Variants in CNPY3 observed in about 807,000 individuals in gnomAD.
The protein encoded by CNPY3 is canopy FGF signaling regulator 3, also known as protein canopy homolog 3.
In CNPY3, 20 loss-of-function variants were observed where a neutral mutation model predicts 32.0. That is an observed-to-expected ratio of 0.63 (90% CI 0.44 to 0.91). CNPY3 has a LOEUF of 0.91. CNPY3 is among the 40% of genes least tolerant of loss of function. The probability of loss-of-function intolerance (pLI) is 0.00; values close to 1 mark genes in which losing one functional copy is unlikely to be tolerated. For missense variants in CNPY3, 299 were observed against 340.8 expected, an observed-to-expected ratio of 0.88 and a Z score of 0.97; for synonymous variants, 138 against 142.9, an observed-to-expected ratio of 0.97 and a Z score of 0.24.
chr6:42,930,871 C>G (rs146734164), intron 1 of CNPY3, among the ~76,000 whole-genome samples: 129 of 152,176 alleles, frequency 8.5e-4, no homozygotes, highest in South Asian at 1.5e-3. Flanking sequence ...TGTGCCTTCC[C>G]CCGTACATTC....
intron 3 of CNPY3, 83 bp from the exon 4 acceptor site, chr6:42,937,634 C>G: frequency 6.8e-7 from 1 of 1,469,686 alleles, no homozygotes; most frequent in East Asian, 2.3e-5. Context: ...GGTCTTATAG[C>G]TGGGTTCTTA....
chr6:42,938,346 C>T, intron 5 of CNPY3, 139 bp downstream of exon 5: 1 of 822,730 alleles, frequency 1.2e-6, no homozygotes, highest in Non-Finnish European at 2.1e-6. Flanking sequence ...ATTGGCAAGA[C>T]ATGGTGAAGT....
intron 1 of CNPY3, among the ~76,000 whole-genome samples, chr6:42,934,201 C>T (rs939794383): frequency 1.3e-5 from 2 of 151,612 alleles, no homozygotes; most frequent in African/African-American, 4.8e-5. Context: ...GCAGGATTTA[C>T]AGTAAGTACA....
intron 5 of CNPY3, 69 bp from the exon 6 acceptor site, chr6:42,938,499 C>A: frequency 7.0e-7 from 1 of 1,419,344 alleles, no homozygotes; most frequent in Non-Finnish European, 9.6e-7. Flanking sequence ...GCTCCCTGCT[C>A]AGTGCTCCTT....
rs4714635 is a variant in CNPY3, at chr6:42,934,884, G to A, written c.275+286G>A. ...CAGAGCAATGCAAGTTTTTTTTTGCGACGGAGTTTCACTCTTGTTGCCCAG... is the reference window on the plus strand; with the variant it reads ...CAGAGCAATGCAAGTTTTTTTTTGCAACGGAGTTTCACTCTTGTTGCCCAG... On this transcript the variant is annotated intron_variant, in intron 2 of 5. Transcript: ENST00000372836. Among the ~76,000 whole-genome samples, 7 of 151,680 alleles carry A rather than the reference G, an allele frequency of 4.6e-5. No homozygotes were observed. In the East Asian group the frequency reaches 9.7e-4, roughly 21 times the overall value.
At chr6:42,938,456 A>T (rs555867253) in intron 5 of CNPY3, 112 bp from the exon 6 acceptor site, 2 of 1,060,950 alleles carry the variant, frequency 1.9e-6, no homozygotes, top group Admixed American at 2.4e-5. Context: ...AGGGAGGCTG[A>T]TGTCAAGCAC....
intron 1 of CNPY3, among the ~76,000 whole-genome samples, chr6:42,930,751 G>T (rs1295526176): frequency 6.6e-6 from 1 of 152,196 alleles, no homozygotes; most frequent in Non-Finnish European, 1.5e-5. Context: ...ACACTGGAAA[G>T]TGGGTTTGGG....
intron 3 of CNPY3, among the ~76,000 whole-genome samples, chr6:42,936,385 C>G (rs1336955878): frequency 6.6e-6 from 1 of 152,102 alleles, no homozygotes; most frequent in Non-Finnish European, 1.5e-5. Flanking sequence ...AATTATTTTT[C>G]ATAGCAGGAA....
At chr6:42,932,686 C>G (rs567135500) in intron 1 of CNPY3, among the ~76,000 whole-genome samples, 2 of 152,214 alleles carry the variant, frequency 1.3e-5, no homozygotes, top group South Asian at 4.1e-4. Context: ...GGAGGGAGCC[C>G]AGATGGTCCT....
chr6:42,939,045 C>A lies in CNPY3; in HGVS notation c.*254C>A. ...GGCAGGCCTTGTGGTTTCAGGACTG[C>A]AAGGACTCCAGTGTGAACTCAGGAG... is the stretch of plus-strand genomic sequence containing the variant. On this transcript the variant is annotated 3_prime_UTR_variant, in exon 6 of 6. Coordinates refer to ENST00000372836, the MANE Select transcript of CNPY3 (RefSeq NM_006586.5). 1 of 1,282,050 alleles carries A rather than the reference C, an allele frequency of 7.8e-7. No homozygotes were observed. The highest frequency in any genetic ancestry group is 9.9e-7 in the Non-Finnish European group (1 of 1,012,940). The allele number at this position is 1,282,050 out of a possible 1,614,324, so 79.4% of individuals were successfully genotyped here.
At position 42,929,619 on chromosome 6, in the gene CNPY3, TTGCTGCTGCTGCTGCTGC is replaced by T. The variant is rs570105218; in HGVS notation, c.59_76del (p.Leu20_Leu25del). ...GTCCCGCTGTCTTCTGCTTCTTCCC[TTGCTGCTGCTGCTGCTGC>T]TGCTGCTGCCGGCCCCGGAGCTGGG... On this transcript the variant is annotated inframe_deletion, in exon 1 of 6. Transcript: ENST00000372836. 1 of 1,560,556 alleles carries T rather than the reference TTGCTGCTGCTGCTGCTGC, an allele frequency of 6.4e-7. No homozygotes were observed. Among genetic ancestry groups the T allele is most frequent in the African/African-American group, 1.4e-5 (1 of 73,842 alleles).
chr6:42,938,706 G>T lies in CNPY3; in HGVS notation c.752G>T (p.Gly251Val). The change falls in exon 6 of 6, where the codon GGC (glycine) becomes GTC (valine). Residue 251 changes from glycine (G) to valine (V), a missense_variant. Transcript: ENST00000372836. ...SSSKQRKELGGLEGDPSPEED... is the reference protein window; with the variant it reads ...SSSKQRKELGVLEGDPSPEED... Reference sequence around the variant, plus strand: ...AGCAAACAAAGGAAGGAGCTGGGTGGCCTTGAGGGAGACCCCAGCCCCGAG... The same window carrying T: ...AGCAAACAAAGGAAGGAGCTGGGTGTCCTTGAGGGAGACCCCAGCCCCGAG... 2 of 1,613,850 alleles carry T rather than the reference G, an allele frequency of 1.2e-6. No homozygotes were observed. Among genetic ancestry groups the T allele is most frequent in the Non-Finnish European group, 1.7e-6 (2 of 1,179,900 alleles).
Position 42,934,479 on chromosome 6 carries a change from T to TA in CNPY3, c.159dup (p.Tyr54IlefsTer11). On this transcript the variant is annotated frameshift_variant, in exon 2 of 6. Coordinates refer to ENST00000372836, the MANE Select transcript of CNPY3 (RefSeq NM_006586.5). LOFTEE classifies it high-confidence loss of function. ...TGTGCTACCTCCCTCCCCCAGTGTG[T>TA]AAATATGTTGCTGTGGAGCTGAAGT... The TA allele has an allele frequency of 2.5e-6, 4 of 1,613,966 alleles. No homozygotes were observed. The highest frequency in any genetic ancestry group is 3.4e-6 in the Non-Finnish European group (4 of 1,179,926).
chr6:42,930,906 TTA>T (rs887434403), intron 1 of CNPY3, among the ~76,000 whole-genome samples: 6 of 152,146 alleles, frequency 3.9e-5, no homozygotes, highest in South Asian at 2.1e-4. Flanking sequence ...TTTTTTTTTT[TTA>T]TGAGACTGTC....
intron 3 of CNPY3, 66 bp from the exon 4 acceptor site, chr6:42,937,651 A>C: frequency 6.3e-7 from 1 of 1,583,898 alleles, no homozygotes; most frequent in South Asian, 1.1e-5. Context: ...CTTAGCCACC[A>C]CTGGGAGACG....
At chr6:42,937,341 G>A (rs965190625) in intron 3 of CNPY3, among the ~76,000 whole-genome samples, 3 of 152,088 alleles carry the variant, frequency 2.0e-5, no homozygotes, top group Admixed American at 2.0e-4. Context: ...GGTGGCTCAC[G>A]CCTGTAATCT....
upstream of CNPY3, chr6:42,929,056 A>G (rs916532575): frequency 6.5e-6 from 1 of 153,240 alleles, no homozygotes; most frequent in African/African-American, 2.4e-5. Context: ...AATAAAATTT[A>G]AAAACAGATG....
rs775066972 is a variant in CNPY3, at chr6:42,935,572, AG to A, written c.277del. 1 of 1,606,338 alleles carries A rather than the reference AG, an allele frequency of 6.2e-7. No homozygotes were observed. The highest frequency in any genetic ancestry group is 2.2e-5 in the East Asian group (1 of 44,616). On this transcript the variant is annotated splice_acceptor_variant, in intron 2 of 5. Transcript: ENST00000372836. LOFTEE classifies it high-confidence loss of function. ...CAGTTCCTCATCCTCCTGTCTTGGC[AG>A]GGACTTGCGGTTAATCGAAGTCACT...
chr6:42,936,092 C>G (rs1412551251), intron 3 of CNPY3, among the ~76,000 whole-genome samples: 1 of 152,182 alleles, frequency 6.6e-6, no homozygotes, highest in African/African-American at 2.4e-5. Context: ...CGCTGGGATG[C>G]CCTTGTGATG....
Sources: gnomAD v4.1 joint callset for allele counts (sites outside exome capture counted in the v4.1 genomes callset) on GRCh38, gnomAD v4.1.1 for gene constraint, MANE v1.5 for transcripts, NCBI Gene and HGNC (gene_info 2026-07-23, HGNC 2026-07-21) for gene names.